The following DCDC1 variants were observed in gnomAD, a reference collection of about 807,000 sequenced individuals.
The protein encoded by DCDC1 is doublecortin domain containing 1.
In DCDC1, 200 loss-of-function variants were observed where a neutral mutation model predicts 178.3. The observed-to-expected ratio is 1.12, with a 90% CI of 1.00 to 1.26. The LOEUF (loss-of-function observed/expected upper bound fraction) is 1.26, where lower values mean the gene tolerates loss of function less well. Among genes scored for constraint, DCDC1 ranks in the 50% most tolerant of loss-of-function variants. The pLI is 0.00. For missense variants in DCDC1, 1,983 were observed against 1,749.2 expected, an observed-to-expected ratio of 1.13 and a Z score of -2.38; for synonymous variants, 690 against 604.8, an observed-to-expected ratio of 1.14 and a Z score of -2.07.
chr11:31,150,902 G>A (rs1170693943), intron 9 of DCDC1, among the ~76,000 whole-genome samples: 3 of 152,184 alleles, frequency 2.0e-5, no homozygotes, highest in Non-Finnish European at 4.4e-5. Context: ...AAAAAAGAAT[G>A]TAGTGTAAAT....
At position 31,107,830 on chromosome 11, in the gene DCDC1, G is replaced by A. The variant is rs184185053; in HGVS notation, c.1588-870C>T. 8.5e-5 allele frequency among the ~76,000 whole-genome samples: 13 copies of A among 152,162 alleles called. No homozygotes were observed. In the East Asian group the frequency reaches 9.7e-4, roughly 11 times the overall value. Reference sequence around the variant, plus strand: ...CACTCTTCCCCCAGCCTTCTGTCACGGGGTTCCTTTTCATCTCTCCCTTGT... The same window carrying A: ...CACTCTTCCCCCAGCCTTCTGTCACAGGGTTCCTTTTCATCTCTCCCTTGT... On this transcript the variant is annotated intron_variant, in intron 12 of 38. Coordinates refer to ENST00000684477, the MANE Select transcript of DCDC1 (RefSeq NM_001387274.1).
At chr11:31,193,438 G>A (rs1027166999) in intron 9 of DCDC1, among the ~76,000 whole-genome samples, 1 of 151,814 alleles carries the variant, frequency 6.6e-6, no homozygotes, top group East Asian at 1.9e-4. Context: ...CATATCTTGG[G>A]TTTTCAGATT....
chr11:31,247,565 G>C (rs1009171283), intron 8 of DCDC1, among the ~76,000 whole-genome samples: 2 of 151,858 alleles, frequency 1.3e-5, no homozygotes, highest in African/African-American at 2.4e-5. Context: ...ATCTAAAGGC[G>C]ATATTCAAAA....
intron 9 of DCDC1, among the ~76,000 whole-genome samples, chr11:31,199,161 T>C (rs912107933): frequency 3.9e-5 from 6 of 152,048 alleles, no homozygotes; most frequent in African/African-American, 1.2e-4. Flanking sequence ...TGAGCATCCA[T>C]TGGCGCAATC....
rs11407483 is a variant in DCDC1 at position 31,310,308 on chromosome 11, ATTTTTTTTTTTTTTTTTT to A, written c.165-2418_165-2401del. 5.6e-5 allele frequency among the ~76,000 whole-genome samples: 3 copies of A among 53,864 alleles called. No homozygotes were observed. In the Admixed American group the frequency reaches 8.8e-4, roughly 16 times the overall value. 35.3% of individuals were successfully genotyped at this position (53,864 alleles called of 152,430 possible). On this transcript the variant is annotated intron_variant, in intron 3 of 38. Transcript: ENST00000684477. The stretch of plus-strand genomic sequence containing the variant: ...GAGGACAGGTTTTCAGTAATTCTTG[ATTTTTTTTTTTTTTTTTT>A]TTTTTTTTTTGAGATGGAGTATTGC...
intron 20 of DCDC1, among the ~76,000 whole-genome samples, chr11:31,004,681 CAAAAAA>C (rs201483189): frequency 5.5e-5 from 4 of 72,510 alleles, no homozygotes; most frequent in African/African-American, 1.5e-4. Context: ...CACTCTGTCT[CAAAAAA>C]AAAAAAAAAA....
chr11:31,293,980 T>A (rs1279424110), intron 6 of DCDC1, among the ~76,000 whole-genome samples: 1 of 152,208 alleles, frequency 6.6e-6, no homozygotes, highest in Non-Finnish European at 1.5e-5. Flanking sequence ...TTTACAGTTA[T>A]CCACTCTCTC....
chr11:31,294,646 A>G (rs1357124331), intron 6 of DCDC1, among the ~76,000 whole-genome samples: 18 of 646 alleles, frequency 0.028, no homozygotes, highest in Non-Finnish European at 0.028. Context: ...AGGGGAGGGG[A>G]GGGAGGGGGG....
intron 20 of DCDC1, among the ~76,000 whole-genome samples, chr11:30,987,869 C>A (rs1479786778): frequency 6.6e-6 from 1 of 152,122 alleles, no homozygotes; most frequent in Non-Finnish European, 1.5e-5. Flanking sequence ...TGGCTCAAGA[C>A]AATTCTTCTT....
chr11:31,122,552 C>T (rs1960969622), intron 11 of DCDC1, among the ~76,000 whole-genome samples: 1 of 152,160 alleles, frequency 6.6e-6, no homozygotes, highest in East Asian at 1.9e-4. Flanking sequence ...AATAAAATAT[C>T]TAATACTTTT....
intron 11 of DCDC1, among the ~76,000 whole-genome samples, chr11:31,126,410 A>T (rs778392153): frequency 6.6e-6 from 1 of 152,196 alleles, no homozygotes; most frequent in Non-Finnish European, 1.5e-5. Flanking sequence ...GAAATAAATT[A>T]TCATGTTTAA....
At chr11:30,875,236 G>A (rs185289093) in intron 38 of DCDC1, among the ~76,000 whole-genome samples, 24 of 152,234 alleles carry the variant, frequency 1.6e-4, no homozygotes, top group Admixed American at 1.5e-3. Flanking sequence ...TGGCCACACA[G>A]CCCCAAACCA....
rs1565210666 is a variant in DCDC1, at chr11:31,040,363, T to A, written c.2591+24106A>T. Among the ~76,000 whole-genome samples the A allele has an allele frequency of 1.5e-4, 23 of 152,286 alleles. No individual in the cohort carries two copies. In the South Asian group the frequency reaches 4.4e-3, roughly 29 times the overall value. On this transcript the variant is annotated intron_variant, in intron 20 of 38. Transcript: ENST00000684477. ...GCACTATCTGGAGGATGCATACAGA[T>A]TGTTGCCCCCAACTCCCATCCTACT...
chr11:31,134,789 G>A (rs1962914083), intron 10 of DCDC1, among the ~76,000 whole-genome samples: 1 of 152,188 alleles, frequency 6.6e-6, no homozygotes, highest in Admixed American at 6.5e-5. Context: ...GAGGCCAGGA[G>A]TTCAAGACCA....
intron 7 of DCDC1, among the ~76,000 whole-genome samples, chr11:31,267,670 T>C (rs1254993507): frequency 6.6e-6 from 1 of 152,218 alleles, no homozygotes; most frequent in East Asian, 1.9e-4. Context: ...CTTCAGTGAC[T>C]ACTGCCCACA....
At chr11:31,058,493 G>A (rs1301947403) in intron 20 of DCDC1, among the ~76,000 whole-genome samples, 3 of 152,050 alleles carry the variant, frequency 2.0e-5, no homozygotes, top group East Asian at 1.9e-4. Context: ...AAATAAAGCA[G>A]GGAAAGAGAA....
chr11:31,055,081 CTA>C (rs1955499797), intron 20 of DCDC1, among the ~76,000 whole-genome samples: 1 of 152,096 alleles, frequency 6.6e-6, no homozygotes, highest in Non-Finnish European at 1.5e-5. Flanking sequence ...TCTTTACAAT[CTA>C]TACATCTGAC....
At chr11:30,988,877 A>C (rs1192860984) in intron 20 of DCDC1, among the ~76,000 whole-genome samples, 6 of 152,208 alleles carry the variant, frequency 3.9e-5, no homozygotes, top group Admixed American at 3.9e-4. Flanking sequence ...GGCCCCAAAT[A>C]CTTCAAATGA....
At chr11:31,028,522 CATT>C in intron 20 of DCDC1, among the ~76,000 whole-genome samples, 1 of 151,796 alleles carries the variant, frequency 6.6e-6, no homozygotes, top group Non-Finnish European at 1.5e-5. Context: ...GCCTTTAAAC[CATT>C]CCTGTTTTCA....
Sources: gnomAD v4.1 joint callset for allele counts (sites outside exome capture counted in the v4.1 genomes callset) on GRCh38, gnomAD v4.1.1 for gene constraint, MANE v1.5 for transcripts, NCBI Gene and HGNC (gene_info 2026-07-23, HGNC 2026-07-21) for gene names.